The following FSIP2 variants were observed in gnomAD, a reference collection of about 807,000 sequenced individuals.
FSIP2 encodes the protein fibrous sheath-interacting protein 2.
A neutral mutation model predicts 510.5 loss-of-function variants in FSIP2; 367 were observed. The observed-to-expected ratio is 0.72, with a 90% CI of 0.66 to 0.78. The LOEUF is 0.78. Among genes scored for constraint, FSIP2 ranks in the 30% least tolerant of loss-of-function variants. The pLI, the probability that FSIP2 is intolerant of heterozygous loss-of-function variation, is 0.00. For missense variants in FSIP2, 7,594 were observed against 7,901.7 expected (o/e 0.96, Z 1.48); for synonymous variants, 2,601 against 2,732.2 (o/e 0.95, Z 1.50).
rs1417531165 is a variant in FSIP2 at position 185,792,899 on chromosome 2, A to G, written c.5763A>G (p.Val1921=). 1.3e-6 allele frequency: 2 copies of G among 1,533,688 alleles called. No individual in the cohort carries two copies. Among genetic ancestry groups the G allele is most frequent in the South Asian group, 2.4e-5 (2 of 84,014 alleles). ...AGGTAAATCTAGCTGAAGATATTGTACAGGCAATATTAACAAATTTAGAAA... is the reference window on the plus strand; with the variant it reads ...AGGTAAATCTAGCTGAAGATATTGTGCAGGCAATATTAACAAATTTAGAAA... ...ETKVNLAEDI[V]QAILTNLETF... Residue 1921 remains valine (V), a synonymous_variant, in exon 16 of 23, where the codon GTA becomes GTG. Coordinates refer to ENST00000424728, the MANE Select transcript of FSIP2 (RefSeq NM_173651.4).
In FSIP2 at chr2:185,794,793, G is replaced by A; in HGVS notation, c.7657G>A (p.Val2553Ile). ...AAGTGTTTTGGGGAAAATGTACTTG[G>A]TAGTTGTGACATCATTATATGAAAA... is the stretch of plus-strand genomic sequence containing the variant. ...VESVLGKMYLVVVTSLYENNK... is the reference protein window; with the variant it reads ...VESVLGKMYLIVVTSLYENNK... The change falls in exon 16 of 23, where the codon GTA becomes ATA. Residue 2553 changes from valine to isoleucine, a missense_variant. Transcript: ENST00000424728. 6.5e-7 allele frequency: 1 copy of A among 1,533,848 alleles called. No homozygotes were observed. The highest frequency in any genetic ancestry group is 8.7e-7 in the Non-Finnish European group (1 of 1,145,396).
chr2:185,797,028 G>A lies in FSIP2; in HGVS notation c.9892G>A (p.Glu3298Lys). 6.5e-7 allele frequency: 1 copy of A among 1,535,232 alleles called. No individual in the cohort carries two copies. The change falls in exon 16 of 23, where the codon GAA becomes AAA. Residue 3298 changes from glutamate to lysine, a missense_variant. Glu to Lys is a moderately conservative substitution (Grantham distance 56). Coordinates refer to ENST00000424728, the MANE Select transcript of FSIP2 (RefSeq NM_173651.4). Reference protein sequence around the residue: ...VLSFIEMGKGENLRVFHYENL... With the variant: ...VLSFIEMGKGKNLRVFHYENL... ...GTCATTCATAGAAATGGGAAAAGGT[G>A]AAAATCTAAGAGTGTTTCATTATGA...
chr2:185,761,113 T>A lies in FSIP2; in HGVS notation c.1194+10T>A. 1 of 1,103,582 alleles carries A rather than the reference T, an allele frequency of 9.1e-7. No individual in the cohort carries two copies. Among genetic ancestry groups the A allele is most frequent in the Non-Finnish European group, 1.3e-6 (1 of 784,352 alleles). 68.4% of individuals were successfully genotyped at this position (1,103,582 alleles called of 1,614,324 possible). On this transcript the variant is annotated intron_variant, in intron 10 of 22. Coordinates refer to ENST00000424728, the MANE Select transcript of FSIP2 (RefSeq NM_173651.4). Reference sequence around the variant, plus strand: ...TGGTATAAATCAAAAGGTATACAATTATGCTTTAAAGTTTTGTGTTGTATT... The same window carrying A: ...TGGTATAAATCAAAAGGTATACAATAATGCTTTAAAGTTTTGTGTTGTATT...
At chr2:185,824,511 AT>A in intron 20 of FSIP2, 31 bp downstream of exon 20, 4 of 1,282,362 alleles carry the variant, frequency 3.1e-6, no homozygotes, top group Non-Finnish European at 4.4e-6. Context: ...ATTAGAGAGT[AT>A]TTTTTACTAC....
rs1192480882 is a variant in FSIP2, at chr2:185,803,751, A to C, written c.14445A>C (p.Ser4815=). Residue 4815 remains serine, a synonymous_variant, in exon 17 of 23, where the codon TCA becomes TCC. Coordinates refer to ENST00000424728, the MANE Select transcript of FSIP2 (RefSeq NM_173651.4). ...ISPLNTSAEQ[S]DTTKSDLSNT... The stretch of plus-strand genomic sequence containing the variant: ...CATTGAACACCAGTGCAGAGCAGTC[A>C]GATACTACTAAATCAGACTTAAGTA... The C allele has an allele frequency of 6.5e-7, 1 of 1,531,918 alleles. No individual in the cohort carries two copies. Among genetic ancestry groups the C allele is most frequent in the Non-Finnish European group, 8.7e-7 (1 of 1,144,210 alleles). The allele number at this position is 1,531,918 out of a possible 1,614,324, so 94.9% of individuals were successfully genotyped here.
intron 17 of FSIP2, among the ~76,000 whole-genome samples, chr2:185,809,429 T>G (rs1693679470): frequency 6.6e-6 from 1 of 152,084 alleles, no homozygotes; most frequent in African/African-American, 2.4e-5. Flanking sequence ...AAAACCAGAC[T>G]GACAGAAGTT....
rs760110012 is a variant in FSIP2 at position 185,807,881 on chromosome 2, C to T, written c.18575C>T (p.Ser6192Phe). 5 of 1,604,960 alleles carry T rather than the reference C, an allele frequency of 3.1e-6. No homozygotes were observed. In the East Asian group the frequency reaches 6.7e-5, roughly 22 times the overall value. Residue 6192 changes from serine (S) to phenylalanine (F), a missense_variant, in exon 17 of 23, where the codon TCT (serine) becomes TTT (phenylalanine). Physicochemically the swap from Ser to Phe is radical, Grantham distance 155 (BLOSUM62 -2). Coordinates refer to ENST00000424728, the MANE Select transcript of FSIP2 (RefSeq NM_173651.4). Reference protein sequence around the residue: ...IAVKFLSKLLSIFPKVHKERT... With the variant: ...IAVKFLSKLLFIFPKVHKERT... ...GTGAAATTTTTATCAAAGCTTTTAT[C>T]TATATTTCCAAAAGTACATAAAGAA... is the stretch of plus-strand genomic sequence containing the variant.
At position 185,738,826 on chromosome 2, in the gene FSIP2, A is replaced by C; in HGVS notation, c.-69A>C. 6.5e-7 allele frequency: 1 copy of C among 1,535,818 alleles called. No individual in the cohort carries two copies. Among genetic ancestry groups the C allele is most frequent in the Non-Finnish European group, 8.7e-7 (1 of 1,146,786 alleles). ...GCCATTCCTGGTCAGGTCCGGACAG[A>C]GGGACAACGGGGTGCTAGAGAAGGA... On this transcript the variant is annotated 5_prime_UTR_variant, in exon 1 of 23. Coordinates refer to ENST00000424728, the MANE Select transcript of FSIP2 (RefSeq NM_173651.4).
intron 19 of FSIP2, among the ~76,000 whole-genome samples, chr2:185,820,512 T>C (rs980803958): frequency 2.0e-5 from 3 of 151,402 alleles, no homozygotes; most frequent in African/African-American, 7.3e-5. Flanking sequence ...TATACATATA[T>C]AAAACAATAG....
chr2:185,766,022 T>C (rs1692469472), intron 13 of FSIP2: 1 of 151,690 alleles, frequency 6.6e-6, no homozygotes, highest in East Asian at 1.9e-4. Flanking sequence ...TGAAGTTGCT[T>C]ATCAGCTTAA....
At chr2:185,749,681 G>A (rs1692104682) in intron 7 of FSIP2, among the ~76,000 whole-genome samples, 1 of 151,670 alleles carries the variant, frequency 6.6e-6, no homozygotes, top group Non-Finnish European at 1.5e-5. Context: ...CTGAATAGAA[G>A]CAGACATACT....
intron 13 of FSIP2, among the ~76,000 whole-genome samples, chr2:185,776,529 A>C (rs1692725189): frequency 6.6e-6 from 1 of 152,134 alleles, no homozygotes; most frequent in South Asian, 2.1e-4. Context: ...CAGAAAATTA[A>C]ATCTCTATTG....
chr2:185,738,656 T>G, upstream of FSIP2: 1 of 1,536,062 alleles, frequency 6.5e-7, no homozygotes, highest in South Asian at 1.2e-5. Context: ...TCCTCTCAGA[T>G]CAGGCCTCTC....
At chr2:185,778,495 T>C (rs1692774861) in intron 13 of FSIP2, among the ~76,000 whole-genome samples, 1 of 152,048 alleles carries the variant, frequency 6.6e-6, no homozygotes, top group African/African-American at 2.4e-5. Flanking sequence ...TATTAGTTTG[T>C]ACCCATGAGT....
chr2:185,820,533 A>G (rs1453110087), intron 19 of FSIP2, among the ~76,000 whole-genome samples: 1 of 151,470 alleles, frequency 6.6e-6, no homozygotes, highest in Non-Finnish European at 1.5e-5. Flanking sequence ...CAAAATACAC[A>G]GTTTTCTCAA....
In FSIP2 at chr2:185,806,835, A is replaced by C. The variant is rs761259961; in HGVS notation, c.17529A>C (p.Gln5843His). 2 of 1,609,922 alleles carry C rather than the reference A, an allele frequency of 1.2e-6. No homozygotes were observed. Among genetic ancestry groups the C allele is most frequent in the South Asian group, 2.2e-5 (2 of 90,278 alleles). Residue 5843 changes from glutamine to histidine, a missense_variant, in exon 17 of 23, where the codon CAA becomes CAC. Gln to His is a conservative substitution (Grantham distance 24). Transcript: ENST00000424728. ...NSLLKEFSDA[Q>H]IKVFRPDKGN... The stretch of plus-strand genomic sequence containing the variant: ...TGTTAAAGGAGTTCTCAGATGCTCA[A>C]ATTAAGGTTTTCAGGCCAGATAAGG...
intron 20 of FSIP2, among the ~76,000 whole-genome samples, chr2:185,826,122 G>T (rs546836462): frequency 5.9e-5 from 9 of 151,848 alleles, no homozygotes; most frequent in African/African-American, 1.4e-4. Context: ...TGTGTAGTAG[G>T]TTATACCATT....
At position 185,792,522 on chromosome 2, in the gene FSIP2, C is replaced by G. The variant is rs1437445374; in HGVS notation, c.5386C>G (p.Gln1796Glu). 9.2e-6 allele frequency: 14 copies of G among 1,526,406 alleles called. No homozygotes were observed. The highest frequency in any genetic ancestry group is 1.1e-5 in the Non-Finnish European group (12 of 1,138,984). 94.6% of individuals were successfully genotyped at this position (1,526,406 alleles called of 1,614,324 possible). A position where few individuals can be genotyped will look rare whatever the true frequency, so the allele number is the denominator to read the frequency against. The change falls in exon 16 of 23, where the codon CAA becomes GAA. Residue 1796 changes from glutamine to glutamate, a missense_variant. By Grantham distance (29) the Gln-to-Glu change is conservative (BLOSUM62 2). Coordinates refer to ENST00000424728, the MANE Select transcript of FSIP2 (RefSeq NM_173651.4). ...NEIFQSTLIN[Q>E]LNVLSLSHSN... is the part of the protein sequence containing the mutation. ...AATTTTTCAAAGTACTTTAATCAAT[C>G]AATTAAATGTCCTTTCTCTCTCCCA...
At chr2:185,813,341 T>A in intron 17 of FSIP2, among the ~76,000 whole-genome samples, 1 of 152,012 alleles carries the variant, frequency 6.6e-6, no homozygotes, top group Non-Finnish European at 1.5e-5. Context: ...ATGTAATAAA[T>A]GTAAAAAAAT....
Sources: gnomAD v4.1 joint callset for allele counts (sites outside exome capture counted in the v4.1 genomes callset) on GRCh38, gnomAD v4.1.1 for gene constraint, MANE v1.5 for transcripts, NCBI Gene and HGNC (gene_info 2026-07-23, HGNC 2026-07-21) for gene names.